The following KCNAB2 variants were observed in gnomAD, a reference collection of about 807,000 sequenced individuals.
KCNAB2 encodes the protein potassium voltage-gated channel subfamily A regulatory beta subunit 2, also known as voltage-gated potassium channel subunit beta-2.
A neutral mutation model predicts 63.6 loss-of-function variants in KCNAB2; 29 were observed. That is an observed-to-expected ratio of 0.46 (90% confidence interval 0.34 to 0.62). The LOEUF is 0.62. KCNAB2 is among the 20% of genes least tolerant of loss of function. KCNAB2 has a pLI of 0.01. For synonymous variants in KCNAB2, 222 were observed against 224.2 expected, an observed-to-expected ratio of 0.99 and a Z score of 0.09; for missense variants, 359 against 563.9, an observed-to-expected ratio of 0.64 and a Z score of 3.68.
At position 6,096,444 on chromosome 1, in the gene KCNAB2, G is replaced by A. The variant is rs948860922; in HGVS notation, c.949-192G>A. On this transcript the variant is annotated intron_variant, in intron 13 of 15. Transcript: ENST00000378083. This position sits in a 1 kb window ranked among gnomAD's most constrained non-coding sequence, Gnocchi z 5.9. Reference sequence around the variant, plus strand: ...ACAGGCCCCGCTCATCCACCAGCCCGTGCCCGGCCCACTGCCCACTCTCCC... The same window carrying A: ...ACAGGCCCCGCTCATCCACCAGCCCATGCCCGGCCCACTGCCCACTCTCCC... 7.8e-5 allele frequency: 56 copies of A among 719,824 alleles called. No individual in the cohort carries two copies. The highest frequency in any genetic ancestry group is 2.0e-4 in the African/African-American group (11 of 55,786). The allele number at this position is 719,824 out of a possible 1,614,324, so 44.6% of individuals were successfully genotyped here. A position where few individuals can be genotyped will look rare whatever the true frequency, so the allele number is the denominator to read the frequency against.
chr1:6,016,572 G>C (rs976643286), intron 1 of KCNAB2, among the ~76,000 whole-genome samples: 1 of 152,252 alleles, frequency 6.6e-6, no homozygotes. Flanking sequence ...ACATGTGACT[G>C]GACAGGCGTC....
chr1:6,087,692 C>G lies in KCNAB2; in HGVS notation c.470+181C>G, dbSNP rs1021437157. Among the ~76,000 whole-genome samples the G allele has an allele frequency of 6.6e-6, 1 of 152,230 alleles. No individual in the cohort carries two copies. The highest frequency in any genetic ancestry group is 1.5e-5 in the Non-Finnish European group (1 of 68,042). On this transcript the variant is annotated intron_variant, in intron 7 of 15. Coordinates refer to ENST00000378083, the MANE Select transcript of KCNAB2 (RefSeq NM_001199862.2). This position sits in a 1 kb window ranked among gnomAD's most constrained non-coding sequence, Gnocchi z 6.4. ...GCCCAGTGCCATTTCCTGTCCCCAG[C>G]AGGGGCAGAGCTGGTGTTTCTGCAG...
At chr1:6,095,986 G>C (rs1339762104) in intron 13 of KCNAB2, 1 of 433,926 alleles carries the variant, frequency 2.3e-6, no homozygotes, top group Non-Finnish European at 4.6e-6. Context: ...TCCGAGATGG[G>C]GGCTGCAAAG....
chr1:6,071,000 G>A (rs1355624653), intron 2 of KCNAB2, among the ~76,000 whole-genome samples: 1 of 152,160 alleles, frequency 6.6e-6, no homozygotes, highest in African/African-American at 2.4e-5. Flanking sequence ...AATAAACCTA[G>A]GCAATTTTAA....
chr1:6,088,432 G>A (rs1409350444), intron 7 of KCNAB2, among the ~76,000 whole-genome samples: 1 of 151,538 alleles, frequency 6.6e-6, no homozygotes, highest in African/African-American at 2.4e-5. Flanking sequence ...GTATTTTGTA[G>A]AGATGGGGTT....
At chr1:6,009,267 G>GT (rs925830609) in intron 1 of KCNAB2, among the ~76,000 whole-genome samples, 2 of 152,238 alleles carry the variant, frequency 1.3e-5, no homozygotes, top group African/African-American at 4.8e-5. Flanking sequence ...GGCCCGCCTG[G>GT]TATGCCCATG....
chr1:6,097,200 G>A (rs982560711), intron 14 of KCNAB2, 69 bp from the exon 15 acceptor site: 5 of 1,470,442 alleles, frequency 3.4e-6, no homozygotes, highest in African/African-American at 2.8e-5. Flanking sequence ...CCCAGTCAGA[G>A]GCAAGGCAGA....
rs556149717 is a variant in KCNAB2, at chr1:6,089,193, C to A, written c.514+142C>A. ...CGGGGCACCCGGTGCTCTGGCCTGA[C>A]CTTCTCCTTCCACCCAGGTAGCACA... On this transcript the variant is annotated intron_variant, in intron 8 of 15. Coordinates refer to ENST00000378083, the MANE Select transcript of KCNAB2 (RefSeq NM_001199862.2). 6 of 885,470 alleles carry A rather than the reference C, an allele frequency of 6.8e-6. 1 individual carries two copies. The highest frequency in any genetic ancestry group is 3.3e-5 in the African/African-American group (2 of 59,720). The allele number at this position is 885,470 out of a possible 1,614,324, so 54.9% of individuals were successfully genotyped here.
chr1:6,065,842 T>G (rs915070835), intron 2 of KCNAB2, among the ~76,000 whole-genome samples: 24 of 152,330 alleles, frequency 1.6e-4, no homozygotes, highest in African/African-American at 5.8e-4. Flanking sequence ...GCAGGTCTTC[T>G]GTACCTCGGG....
At chr1:6,092,260 T>C (rs1665250102) in intron 10 of KCNAB2, among the ~76,000 whole-genome samples, 1 of 152,244 alleles carries the variant, frequency 6.6e-6, no homozygotes, top group African/African-American at 2.4e-5. Context: ...TGCTCCCTCA[T>C]GTGGGCTCCC....
intron 2 of KCNAB2, among the ~76,000 whole-genome samples, chr1:6,062,176 C>T (rs377418967): frequency 6.6e-6 from 1 of 151,948 alleles, no homozygotes; most frequent in African/African-American, 2.4e-5. Flanking sequence ...TAGCCGAGCG[C>T]GGTGGCACAT....
chr1:6,098,322 A>G, intron 15 of KCNAB2, 163 bp from the exon 16 acceptor site: 1 of 1,432,974 alleles, frequency 7.0e-7, no homozygotes, highest in East Asian at 2.5e-5. Context: ...CTTCTGAAAC[A>G]CAAAAGCAGC....
chr1:6,054,197 TAGAG>T (rs1223078474), intron 2 of KCNAB2, among the ~76,000 whole-genome samples: 2 of 151,950 alleles, frequency 1.3e-5, no homozygotes. Context: ...CATGTGGTGA[TAGAG>T]AGTGGAGTGA....
intron 2 of KCNAB2, among the ~76,000 whole-genome samples, chr1:6,058,466 C>T (rs889628564): frequency 1.1e-4 from 17 of 152,202 alleles, no homozygotes; most frequent in South Asian, 2.1e-4. Flanking sequence ...TTTCCTTACC[C>T]GGAAAGTGGA....
At chr1:6,030,926 G>GT (rs1659581283), upstream of KCNAB2, among the ~76,000 whole-genome samples, 1 of 114,590 alleles carries the variant, frequency 8.7e-6, no homozygotes, top group African/African-American at 3.4e-5. Flanking sequence ...GTATGTGTAG[G>GT]GGTGTGTGTG....
chr1:6,059,758 C>G (rs1319459531), intron 2 of KCNAB2, among the ~76,000 whole-genome samples: 1 of 152,138 alleles, frequency 6.6e-6, no homozygotes, highest in East Asian at 1.9e-4. Context: ...GGCCTCTCTC[C>G]CCTTTCTGGG....
At chr1:6,083,755 C>T (rs1315087879) in intron 5 of KCNAB2, among the ~76,000 whole-genome samples, 2 of 152,192 alleles carry the variant, frequency 1.3e-5, no homozygotes, top group African/African-American at 4.8e-5. Context: ...AGGCAGCTTG[C>T]AGGGGGCCAA....
chr1:5,997,430 G>C (rs888449776), intron 1 of KCNAB2, among the ~76,000 whole-genome samples: 2 of 152,136 alleles, frequency 1.3e-5, no homozygotes, highest in African/African-American at 4.8e-5. Flanking sequence ...TATTCTCCCT[G>C]ACCTTGGGCC....
In KCNAB2 at chr1:6,099,906, C is replaced by G; in HGVS notation, c.*1332C>G. 2 of 1,550,368 alleles carry G rather than the reference C, an allele frequency of 1.3e-6. No individual in the cohort carries two copies. The highest frequency in any genetic ancestry group is 1.7e-6 in the Non-Finnish European group (2 of 1,146,896). On this transcript the variant is annotated 3_prime_UTR_variant, in exon 16 of 16. Transcript: ENST00000378083. ...AGGGCAAGGGATGCCAGTAAGTCTGCAGGTGCGGGGTGCCACCTACAGGCC... is the reference window on the plus strand; with the variant it reads ...AGGGCAAGGGATGCCAGTAAGTCTGGAGGTGCGGGGTGCCACCTACAGGCC...
Sources: allele counts gnomAD v4.1 joint callset (sites outside exome capture counted in the v4.1 genomes callset), GRCh38; gene constraint gnomAD v4.1.1; non-coding constraint Gnocchi (gnomAD v3.1); transcripts MANE v1.5; gene names NCBI Gene and HGNC (gene_info 2026-07-23, HGNC 2026-07-21).